HAVCR1: variants seen among roughly 807,000 people sequenced by gnomAD.
HAVCR1 encodes the protein T cell immunoglobin domain and mucin domain protein 1.
In HAVCR1, 34 loss-of-function variants were observed where a neutral mutation model predicts 32.0. The observed-to-expected ratio is 1.06, with a 90% CI of 0.81 to 1.42. HAVCR1 has a LOEUF of 1.42. Among genes scored for constraint, HAVCR1 ranks in the 40% most tolerant of loss-of-function variants. The pLI is 0.00. For missense variants in HAVCR1, 420 were observed against 442.3 expected, an observed-to-expected ratio of 0.95 and a Z score of 0.45; for synonymous variants, 178 against 170.3, an observed-to-expected ratio of 1.05 and a Z score of -0.35.
the HAVCR1 span, among the ~76,000 whole-genome samples, chr5:157,064,791 C>G: frequency 1.3e-5 from 2 of 152,022 alleles, no homozygotes; most frequent in Admixed American, 1.3e-4. Context: ...TTGCTTGAAC[C>G]CAGGAGGCAG....
Position 157,037,343 on chromosome 5 carries a change from T to C in HAVCR1, c.856A>G (p.Ser286Gly), listed in dbSNP as rs769814175. ...TTAGTGGTATTGGCCGTCAGTAGAC[T>C]ATGTTCTAGGAACAGTTGCTGAGGA... is the stretch of plus-strand genomic sequence containing the variant. ...NNQTQLFLEHSLLTANTTKGI... is the reference protein window; with the variant it reads ...NNQTQLFLEHGLLTANTTKGI... Residue 286 changes from serine (S) to glycine (G), a missense_variant, in exon 7 of 9, where the codon AGT becomes GGT. Coordinates refer to ENST00000523175, the MANE Select transcript of HAVCR1 (RefSeq NM_001173393.3). 1.7e-5 allele frequency: 26 copies of C among 1,534,718 alleles called. No individual in the cohort carries two copies. In the African/African-American group the frequency reaches 3.4e-4, roughly 20 times the overall value.
At chr5:157,064,453 T>C in the HAVCR1 span, among the ~76,000 whole-genome samples, 4 of 145,548 alleles carry the variant, frequency 2.7e-5, no homozygotes, top group Non-Finnish European at 6.0e-5. Flanking sequence ...GCCAAGGAGG[T>C]GGAGAAGGTG....
chr5:157,064,687 C>A, the HAVCR1 span, among the ~76,000 whole-genome samples: 1 of 151,754 alleles, frequency 6.6e-6, no homozygotes, highest in Admixed American at 6.6e-5. Context: ...GCCAACATGG[C>A]AAAACCCTGT....
At position 157,029,615 on chromosome 5, in the gene HAVCR1, T is replaced by C; in HGVS notation, c.*118A>G. 6.5e-7 allele frequency: 1 copy of C among 1,547,746 alleles called. No individual in the cohort carries two copies. Among genetic ancestry groups the C allele is most frequent in the Non-Finnish European group, 8.7e-7 (1 of 1,150,020 alleles). ...ACCCAGTATCACTGACATGTTGGAA[T>C]GCCAGATGAAACTGAAACAGAAAAA... On this transcript the variant is annotated 3_prime_UTR_variant, in exon 9 of 9. Transcript: ENST00000523175.
At chr5:157,068,450 G>T in the HAVCR1 span, among the ~76,000 whole-genome samples, 1 of 151,940 alleles carries the variant, frequency 6.6e-6, no homozygotes. Flanking sequence ...AGCCGGGCAT[G>T]GTGATGCACT....
intron 7 of HAVCR1, among the ~76,000 whole-genome samples, chr5:157,036,067 G>C (rs750761993): frequency 1.3e-5 from 2 of 152,170 alleles, no homozygotes; most frequent in African/African-American, 4.8e-5. Flanking sequence ...TCTTGGCCTG[G>C]CATTGTGGCT....
rs561415223 is a variant in HAVCR1, at chr5:157,048,889, GGTAGATATTT to G, written c.781+139_781+148del. ...CACCAATGACAAAACATTCAGAAAGGGTAGATATTTGTACAAGTCAAATGACTGATCTGTG... is the reference window on the plus strand; with the variant it reads ...CACCAATGACAAAACATTCAGAAAGGGTACAAGTCAAATGACTGATCTGTG... On this transcript the variant is annotated intron_variant, in intron 5 of 8. Coordinates refer to ENST00000523175, the MANE Select transcript of HAVCR1 (RefSeq NM_001173393.3). The G allele has an allele frequency of 2.8e-3, 1,683 of 605,832 alleles. 6 individuals carry two copies. The highest frequency in any genetic ancestry group is 2.6e-3 in the Non-Finnish European group (850 of 330,742). The allele number at this position is 605,832 out of a possible 1,614,324, so 37.5% of individuals were successfully genotyped here.
intron 6 of HAVCR1, among the ~76,000 whole-genome samples, chr5:157,042,226 A>C (rs1335011962): frequency 1.3e-5 from 2 of 152,094 alleles, no homozygotes; most frequent in African/African-American, 4.8e-5. Context: ...GCGGATCATG[A>C]GGTCAGGAGA....
the HAVCR1 span, among the ~76,000 whole-genome samples, chr5:157,068,413 A>G: frequency 3.9e-5 from 6 of 152,088 alleles, no homozygotes; most frequent in African/African-American, 1.4e-4. Context: ...GCGAAACCGT[A>G]TCTCTACAAA....
the HAVCR1 span, among the ~76,000 whole-genome samples, chr5:157,064,673 C>A: frequency 6.6e-6 from 1 of 152,062 alleles, no homozygotes; most frequent in Non-Finnish European, 1.5e-5. Context: ...TCAAGACCAA[C>A]CTGGCCAACA....
chr5:157,042,314 C>T (rs1275791767), intron 6 of HAVCR1, among the ~76,000 whole-genome samples: 9 of 151,916 alleles, frequency 5.9e-5, no homozygotes, highest in South Asian at 2.1e-4. Flanking sequence ...TGGTGGCGGG[C>T]GCCTGTAGTC....
upstream of HAVCR1, among the ~76,000 whole-genome samples, chr5:157,061,090 G>T (rs570573564): frequency 6.6e-6 from 1 of 152,146 alleles, no homozygotes; most frequent in South Asian, 2.1e-4. Flanking sequence ...CAGAGGTGGA[G>T]TTTCACCATG....
intron 5 of HAVCR1, 68 bp downstream of exon 5, chr5:157,048,970 T>C: frequency 1.1e-6 from 1 of 903,942 alleles, no homozygotes; most frequent in East Asian, 2.4e-5. Context: ...GAGCGTGTGC[T>C]CTCAACAAAG....
At chr5:157,036,217 G>A (rs1324975667) in intron 7 of HAVCR1, among the ~76,000 whole-genome samples, 1 of 152,116 alleles carries the variant, frequency 6.6e-6, no homozygotes, top group East Asian at 1.9e-4. Flanking sequence ...GGTGGCTCAT[G>A]CCTGTAATCC....
chr5:157,056,385 C>CT (rs5741954), intron 2 of HAVCR1, among the ~76,000 whole-genome samples: 38,777 of 141,162 alleles, frequency 0.27, 5,258 homozygotes, highest in Middle Eastern at 0.38. Context: ...AGAATTTCTT[C>CT]TTTTTTTTTT....
At position 157,052,466 on chromosome 5, in the gene HAVCR1, C is replaced by A. The variant is rs776819911; in HGVS notation, c.568G>T (p.Val190Phe). Residue 190 changes from valine (V) to phenylalanine (F), a missense_variant, in exon 4 of 9, where the codon GTT becomes TTT. Transcript: ENST00000523175. Reference sequence around the variant, plus strand: ...GTTGGAATGCTCGTTGTCGTTGGAACGCTCGTTGTCGTTGAAACAGTCATT... The same window carrying A: ...GTTGGAATGCTCGTTGTCGTTGGAAAGCTCGTTGTCGTTGAAACAGTCATT... The part of the protein sequence containing the change: ...TTMTVSTTTS[V>F]PTTTSIPTTT... 3.7e-6 allele frequency: 6 copies of A among 1,603,514 alleles called. No individual in the cohort carries two copies. Among genetic ancestry groups the A allele is most frequent in the Non-Finnish European group, 5.1e-6 (6 of 1,173,772 alleles).
chr5:157,052,681 G>A (rs377531169), intron 3 of HAVCR1, 27 bp from the exon 4 acceptor site: 54 of 1,596,976 alleles, frequency 3.4e-5, no homozygotes, highest in Middle Eastern at 1.7e-4. Flanking sequence ...ACATGAGAGT[G>A]AGCATAAGTC....
intron 5 of HAVCR1, among the ~76,000 whole-genome samples, chr5:157,047,579 A>C (rs931852298): frequency 3.9e-5 from 6 of 152,022 alleles, no homozygotes; most frequent in East Asian, 1.9e-4. Flanking sequence ...CAAGAAGACT[A>C]GGTTTTGAGA....
chr5:157,038,320 C>G (rs763569648), intron 6 of HAVCR1, among the ~76,000 whole-genome samples: 16 of 152,178 alleles, frequency 1.1e-4, no homozygotes, highest in Non-Finnish European at 2.1e-4. Context: ...TGCTGGTCCC[C>G]ATTTCATGGC....
Sources: gnomAD v4.1 joint callset for allele counts (sites outside exome capture counted in the v4.1 genomes callset) on GRCh38, gnomAD v4.1.1 for gene constraint, MANE v1.5 for transcripts, NCBI Gene and HGNC (gene_info 2026-07-23, HGNC 2026-07-21) for gene names.